Variants in MASTL observed in about 807,000 individuals in gnomAD.
The protein encoded by MASTL is microtubule associated serine/threonine kinase like.
MASTL carries 54 observed loss-of-function variants against 82.5 expected under a neutral mutation model. The observed-to-expected ratio is 0.65, with a 90% CI of 0.53 to 0.82. The LOEUF (loss-of-function observed/expected upper bound fraction) is 0.82, where lower values mean the gene tolerates loss of function less well. Ranked by LOEUF, MASTL falls within the 40% of genes least tolerant of loss-of-function variation. MASTL has a pLI of 0.00. For missense variants in MASTL, 950 were observed against 1,047.8 expected (o/e 0.91, Z 1.29); for synonymous variants, 323 against 368.9 (o/e 0.88, Z 1.43).
At position 27,170,397 on chromosome 10, in the gene MASTL, C is replaced by G. The variant is rs773933083; in HGVS notation, c.1438C>G (p.Gln480Glu). The G allele has an allele frequency of 6.2e-7, 1 of 1,613,944 alleles. No homozygotes were observed. Among genetic ancestry groups the G allele is most frequent in the South Asian group, 1.1e-5 (1 of 91,038 alleles). The stretch of plus-strand genomic sequence containing the variant: ...CGAAATGACAAATTGTTATACAAAT[C>G]AAAATACAGGCTTAACAGTTGAAGT... The part of the protein sequence containing the change: ...HNEMTNCYTN[Q>E]NTGLTVEVQD... Residue 480 changes from glutamine to glutamate, a missense_variant, in exon 8 of 12, where the codon CAA becomes GAA. Coordinates refer to ENST00000375940, the MANE Select transcript of MASTL (RefSeq NM_001172303.3).
In MASTL at chr10:27,158,677, T is replaced by A. The variant is rs758756397; in HGVS notation, c.315T>A (p.Asn105Lys). Residue 105 changes from asparagine (N) to lysine (K), a missense_variant, in exon 2 of 12, where the codon AAT (asparagine) becomes AAA (lysine). By Grantham distance (94) the Asn-to-Lys change is moderately conservative. Transcript: ENST00000375940. ...ATTATTCACTGCAGTCTGCAAACAA[T>A]GTCTACTTGGTGAGTAAATAATTTT... ...HLYYSLQSAN[N>K]VYLVMEYLIG... 3.1e-6 allele frequency: 5 copies of A among 1,614,020 alleles called. No individual in the cohort carries two copies. Among genetic ancestry groups the A allele is most frequent in the Non-Finnish European group, 4.2e-6 (5 of 1,179,884 alleles).
intron 3 of MASTL, among the ~76,000 whole-genome samples, chr10:27,160,063 T>G (rs1359428934): frequency 6.6e-6 from 1 of 151,624 alleles, no homozygotes; most frequent in Non-Finnish European, 1.5e-5. Flanking sequence ...TGACTTGACC[T>G]TGGCTCACTG....
chr10:27,159,935 T>C lies in MASTL; in HGVS notation c.464+177T>C, dbSNP rs1161885217. Among the ~76,000 whole-genome samples the C allele has an allele frequency of 6.6e-6, 1 of 152,184 alleles. No homozygotes were observed. The highest frequency in any genetic ancestry group is 2.1e-4 in the South Asian group (1 of 4,838). ...TTTCATCTCCCTGTGTTTTTTAAAA[T>C]ATATTGCTTTGAACATGAGTATAGC... On this transcript the variant is annotated intron_variant, in intron 3 of 11. Coordinates refer to ENST00000375940, the MANE Select transcript of MASTL (RefSeq NM_001172303.3). This position sits in a 1 kb window ranked among gnomAD's most constrained non-coding sequence, Gnocchi z 4.0.
upstream of MASTL, chr10:27,155,311 C>T: frequency 1.9e-6 from 2 of 1,030,304 alleles, no homozygotes; most frequent in Non-Finnish European, 2.8e-6. Flanking sequence ...GGCGCGGCGG[C>T]GGGGTGACGT....
Position 27,159,806 on chromosome 10 carries a change from A to C in MASTL, c.464+48A>C. ...TATTACTTAAAAATTCAAGTAATCA[A>C]ATTACATATTTGAGTCTCAGATATT... On this transcript the variant is annotated intron_variant, in intron 3 of 11. Transcript: ENST00000375940. This position sits in a 1 kb window ranked among gnomAD's most constrained non-coding sequence, Gnocchi z 4.0. The C allele has an allele frequency of 6.6e-7, 1 of 1,518,262 alleles. No individual in the cohort carries two copies. 94.0% of individuals were successfully genotyped at this position (1,518,262 alleles called of 1,614,324 possible). A position where few individuals can be genotyped will look rare whatever the true frequency, so the allele number is the denominator to read the frequency against.
At chr10:27,155,725 C>T (rs964836020) in intron 1 of MASTL, 113 bp downstream of exon 1, 16 of 1,204,498 alleles carry the variant, frequency 1.3e-5, no homozygotes, top group Non-Finnish European at 1.6e-5. Context: ...GGTGGCCTGG[C>T]TTGCTGAAGC....
chr10:27,166,066 T>G (rs1374731554), intron 6 of MASTL, among the ~76,000 whole-genome samples: 2 of 150,920 alleles, frequency 1.3e-5, no homozygotes, highest in African/African-American at 2.4e-5. Flanking sequence ...AATTAGCTGG[T>G]CGTGGTGGTG....
chr10:27,172,151 T>G (rs992532239), intron 8 of MASTL, among the ~76,000 whole-genome samples: 1 of 152,138 alleles, frequency 6.6e-6, no homozygotes, highest in African/African-American at 2.4e-5. Context: ...CAAAGCTTAC[T>G]CTCTATATTC....
chr10:27,182,111 C>A (rs1455487319), intron 11 of MASTL, among the ~76,000 whole-genome samples: 1 of 150,918 alleles, frequency 6.6e-6, no homozygotes, highest in Non-Finnish European at 1.5e-5. Context: ...TTAGGCCCAG[C>A]GTGGTGGCGT....
Position 27,158,677 on chromosome 10 carries a change from T to C in MASTL, c.315T>C (p.Asn105=). 1 of 1,614,020 alleles carries C rather than the reference T, an allele frequency of 6.2e-7. No individual in the cohort carries two copies. The highest frequency in any genetic ancestry group is 8.5e-7 in the Non-Finnish European group (1 of 1,179,884). The part of the protein sequence containing the change: ...HLYYSLQSAN[N]VYLVMEYLIG... Reference sequence around the variant, plus strand: ...ATTATTCACTGCAGTCTGCAAACAATGTCTACTTGGTGAGTAAATAATTTT... The same window carrying C: ...ATTATTCACTGCAGTCTGCAAACAACGTCTACTTGGTGAGTAAATAATTTT... Residue 105 remains asparagine, a synonymous_variant, in exon 2 of 12, where the codon AAT becomes AAC. Coordinates refer to ENST00000375940, the MANE Select transcript of MASTL (RefSeq NM_001172303.3).
chr10:27,176,219 C>T (rs918038400), intron 9 of MASTL, among the ~76,000 whole-genome samples: 1 of 152,182 alleles, frequency 6.6e-6, no homozygotes, highest in African/African-American at 2.4e-5. Flanking sequence ...GCATTTAAAT[C>T]CAGCCAATTA....
rs756154501 is a variant in MASTL, at chr10:27,181,081, C to T, written c.2380+15C>T. ...TCTGAAAAGAGGTGATTCTTTTTCT[C>T]CTATTAAGATAGTCATTTACTGGCT... On this transcript the variant is annotated intron_variant, in intron 10 of 11. Coordinates refer to ENST00000375940, the MANE Select transcript of MASTL (RefSeq NM_001172303.3). The T allele has an allele frequency of 6.6e-7, 1 of 1,519,644 alleles. No individual in the cohort carries two copies. Among genetic ancestry groups the T allele is most frequent in the East Asian group, 2.3e-5 (1 of 44,408 alleles). 94.1% of individuals were successfully genotyped at this position (1,519,644 alleles called of 1,614,324 possible). A position where few individuals can be genotyped will look rare whatever the true frequency, so the allele number is the denominator to read the frequency against.
chr10:27,164,674 G>A (rs2057682491), intron 4 of MASTL, among the ~76,000 whole-genome samples: 1 of 151,876 alleles, frequency 6.6e-6, no homozygotes, highest in Non-Finnish European at 1.5e-5. Flanking sequence ...GTTTTGCTCT[G>A]TCGCCCTGGT....
At chr10:27,171,806 A>G (rs534150965) in intron 8 of MASTL, among the ~76,000 whole-genome samples, 3 of 148,898 alleles carry the variant, frequency 2.0e-5, no homozygotes, top group Non-Finnish European at 4.4e-5. Context: ...TAAGAGAATA[A>G]AAGTTGAAAA....
At chr10:27,174,944 C>A (rs1364479306) in intron 9 of MASTL, among the ~76,000 whole-genome samples, 2 of 149,582 alleles carry the variant, frequency 1.3e-5, no homozygotes, top group South Asian at 4.3e-4. Flanking sequence ...ATGTTAGTTA[C>A]TTCCCTTTTC....
intron 4 of MASTL, 77 bp from the exon 5 acceptor site, chr10:27,164,987 T>C (rs2057694987): frequency 2.1e-6 from 2 of 971,412 alleles, no homozygotes; most frequent in South Asian, 1.4e-5. Flanking sequence ...TTTGTTGTCA[T>C]ATACATAACA....
chr10:27,187,254 C>T lies in MASTL; in HGVS notation c.*718C>T, dbSNP rs906079867. Among the ~76,000 whole-genome samples, 4 of 151,832 alleles carry T rather than the reference C, an allele frequency of 2.6e-5. No individual in the cohort carries two copies. Among genetic ancestry groups the T allele is most frequent in the East Asian group, 3.9e-4 (2 of 5,144 alleles). ...GGAGGAGGTTGTGGTGAGCCAAGATCGTGCCACTGCACTCCAGCCTGGGCA... is the reference window on the plus strand; with the variant it reads ...GGAGGAGGTTGTGGTGAGCCAAGATTGTGCCACTGCACTCCAGCCTGGGCA... On this transcript the variant is annotated 3_prime_UTR_variant, in exon 12 of 12. Coordinates refer to ENST00000375940, the MANE Select transcript of MASTL (RefSeq NM_001172303.3).
Position 27,170,195 on chromosome 10 carries a change from C to T in MASTL, c.1236C>T (p.Asp412=), listed in dbSNP as rs372848187. The T allele has an allele frequency of 1.9e-6, 3 of 1,614,006 alleles. No homozygotes were observed. Among genetic ancestry groups the T allele is most frequent in the African/African-American group, 2.7e-5 (2 of 74,922 alleles). The change falls in exon 8 of 12, where the codon GAC becomes GAT. Residue 412 remains aspartate, a synonymous_variant. Coordinates refer to ENST00000375940, the MANE Select transcript of MASTL (RefSeq NM_001172303.3). ...TGGATGTAAATAATATAAATATGGA[C>T]ACTGACACAAGTCAGTTAGGTTTCC... is the stretch of plus-strand genomic sequence containing the variant. The part of the protein sequence containing the change: ...VELDVNNINM[D]TDTSQLGFHQ...
intron 9 of MASTL, among the ~76,000 whole-genome samples, chr10:27,179,056 C>A (rs999945442): frequency 6.6e-6 from 1 of 152,056 alleles, no homozygotes; most frequent in Admixed American, 6.6e-5. Flanking sequence ...AGTTGTTTAA[C>A]CACAGTAAAG....
Sources: gnomAD v4.1 joint callset for allele counts (sites outside exome capture counted in the v4.1 genomes callset) on GRCh38, gnomAD v4.1.1 for gene constraint, Gnocchi (gnomAD v3.1) non-coding constraint, MANE v1.5 for transcripts, NCBI Gene and HGNC (gene_info 2026-07-23, HGNC 2026-07-21) for gene names.